Variants in ADAM18 observed in about 807,000 individuals in gnomAD.
The protein encoded by ADAM18 is ADAM metallopeptidase domain 18.
In ADAM18, 117 loss-of-function variants were observed where a neutral mutation model predicts 94.4. The ratio of observed to expected loss-of-function variants is 1.24; its 90% CI spans 1.07 to 1.45. The LOEUF is 1.45. ADAM18 is among the 40% of genes most tolerant of loss of function. The probability of loss-of-function intolerance (pLI) is 0.00; values close to 1 mark genes in which losing one functional copy is unlikely to be tolerated. For missense variants in ADAM18, 936 were observed against 880.0 expected, an observed-to-expected ratio of 1.06 and a Z score of -0.81; for synonymous variants, 327 against 291.6, an observed-to-expected ratio of 1.12 and a Z score of -1.24.
chr8:39,700,217 C>A (rs1822025301), intron 17 of ADAM18, among the ~76,000 whole-genome samples: 1 of 152,068 alleles, frequency 6.6e-6, no homozygotes, highest in East Asian at 1.9e-4. Flanking sequence ...GAAATTTTAA[C>A]ATCAAATTTA....
chr8:39,588,263 T>G (rs1481956570), intron 2 of ADAM18, among the ~76,000 whole-genome samples: 1 of 151,500 alleles, frequency 6.6e-6, no homozygotes, highest in Non-Finnish European at 1.5e-5. Flanking sequence ...CCCATTATAA[T>G]AGCTGTGAGG....
intron 6 of ADAM18, among the ~76,000 whole-genome samples, chr8:39,624,237 G>C (rs1457293553): frequency 1.3e-5 from 2 of 152,192 alleles, no homozygotes; most frequent in African/African-American, 4.8e-5. Context: ...GCAATGTCCA[G>C]AAGAGTTTTT....
intron 2 of ADAM18, among the ~76,000 whole-genome samples, chr8:39,594,068 C>A (rs943468555): frequency 2.6e-5 from 4 of 151,894 alleles, no homozygotes; most frequent in Non-Finnish European, 5.9e-5. Flanking sequence ...CTTTTTCATG[C>A]TTATGTATAA....
intron 2 of ADAM18, among the ~76,000 whole-genome samples, chr8:39,602,154 C>T (rs924153648): frequency 2.0e-5 from 3 of 152,226 alleles, no homozygotes; most frequent in African/African-American, 7.2e-5. Context: ...CTTCAAGATA[C>T]TGCTTTGAAT....
Position 39,622,710 on chromosome 8 carries a change from T to G in ADAM18, c.523-6664T>G, listed in dbSNP as rs1306451412. On this transcript the variant is annotated intron_variant, in intron 6 of 19. Transcript: ENST00000265707. ...GTCTTATTTAATGCTATTTACATCA[T>G]GCTTGTCATATTTTACAGATACGTA... Among the ~76,000 whole-genome samples, 3 of 152,262 alleles carry G rather than the reference T, an allele frequency of 2.0e-5. No homozygotes were observed. In the East Asian group the frequency reaches 5.8e-4, roughly 29 times the overall value.
In ADAM18 at chr8:39,664,665, T is replaced by C. The variant is rs576758783; in HGVS notation, c.1326+775T>C. Among the ~76,000 whole-genome samples, 16 of 152,246 alleles carry C rather than the reference T, an allele frequency of 1.1e-4. No individual in the cohort carries two copies. The South Asian group carries it at 3.1e-3, about 30-fold the overall frequency. On this transcript the variant is annotated intron_variant, in intron 13 of 19. Transcript: ENST00000265707. ...AATAGCAGACAAAATATGCAGCATA[T>C]AGAATGTGTAAAGAACTCTCATTGA... is the stretch of plus-strand genomic sequence containing the variant.
chr8:39,645,593 C>T, intron 11 of ADAM18, 119 bp downstream of exon 11: 5 of 972,940 alleles, frequency 5.1e-6, no homozygotes, highest in Non-Finnish European at 6.0e-6. Context: ...TTACATCATG[C>T]TTGTAAAGTT....
chr8:39,667,340 TGAA>T (rs1024587442), intron 13 of ADAM18, among the ~76,000 whole-genome samples: 2 of 146,306 alleles, frequency 1.4e-5, no homozygotes, highest in Admixed American at 7.1e-5. Flanking sequence ...GGATGGCAGT[TGAA>T]GTGAACTGAG....
intron 6 of ADAM18, among the ~76,000 whole-genome samples, chr8:39,620,346 T>C (rs1249979412): frequency 1.2e-5 from 1 of 84,378 alleles, no homozygotes; most frequent in African/African-American, 4.7e-5. Flanking sequence ...CAAAAGCACA[T>C]GCAACAAAAG....
chr8:39,714,118 G>T (rs1456183245), intron 18 of ADAM18, among the ~76,000 whole-genome samples: 1 of 152,066 alleles, frequency 6.6e-6, no homozygotes, highest in African/African-American at 2.4e-5. Flanking sequence ...CCATAAAAAA[G>T]GATGAGTTCA....
chr8:39,646,708 T>C (rs1820387900), intron 11 of ADAM18, among the ~76,000 whole-genome samples: 1 of 152,144 alleles, frequency 6.6e-6, no homozygotes, highest in South Asian at 2.1e-4. Context: ...TGTGCATCTA[T>C]TAGACATTTC....
intron 6 of ADAM18, among the ~76,000 whole-genome samples, chr8:39,618,134 A>C (rs1819499864): frequency 6.6e-6 from 1 of 152,196 alleles, no homozygotes; most frequent in South Asian, 2.1e-4. Flanking sequence ...ACCAAAATAA[A>C]TTAGTATTGT....
Position 39,723,783 on chromosome 8 carries a change from T to C in ADAM18, c.2053T>C (p.Trp685Arg). The C allele has an allele frequency of 6.3e-7, 1 of 1,580,748 alleles. No individual in the cohort carries two copies. The highest frequency in any genetic ancestry group is 2.3e-5 in the East Asian group (1 of 43,006). ...TACTGAAAAAGGCTACAATACACAC[T>C]GGAACAACTGGTTTATTCTGAGTTT... ...FYTEKGYNTH[W>R]NNWFILSFCI... Residue 685 changes from tryptophan (W) to arginine (R), a missense_variant, in exon 19 of 20, where the codon TGG (tryptophan) becomes CGG (arginine). Physicochemically the swap from Trp to Arg is moderately radical, Grantham distance 101 (BLOSUM62 -3). Coordinates refer to ENST00000265707, the MANE Select transcript of ADAM18 (RefSeq NM_014237.3).
At chr8:39,698,647 T>C (rs1821987535) in intron 17 of ADAM18, among the ~76,000 whole-genome samples, 1 of 151,984 alleles carries the variant, frequency 6.6e-6, no homozygotes, top group Non-Finnish European at 1.5e-5. Flanking sequence ...CTTACAAACC[T>C]CCTTAAATAA....
chr8:39,606,990 A>T lies in ADAM18; in HGVS notation c.188+628A>T, dbSNP rs146445036. Among the ~76,000 whole-genome samples the T allele has an allele frequency of 2.8e-3, 426 of 152,248 alleles. 5 individuals carry two copies. Among genetic ancestry groups the T allele is most frequent in the African/African-American group, 9.9e-3 (410 of 41,538 alleles). ...ATTTTCACTTCTTTTGTGATTCTTCATTTGCTTCAGGCCATCTGGATGTAT... is the reference window on the plus strand; with the variant it reads ...ATTTTCACTTCTTTTGTGATTCTTCTTTTGCTTCAGGCCATCTGGATGTAT... On this transcript the variant is annotated intron_variant, in intron 3 of 19. Transcript: ENST00000265707.
chr8:39,633,382 A>G (rs189726000), intron 7 of ADAM18, among the ~76,000 whole-genome samples: 2 of 152,324 alleles, frequency 1.3e-5, no homozygotes, highest in African/African-American at 4.8e-5. Context: ...GGTGATTCTG[A>G]TGAGAGCTCA....
intron 12 of ADAM18, among the ~76,000 whole-genome samples, chr8:39,654,835 G>A (rs1037420490): frequency 1.1e-4 from 16 of 152,086 alleles, no homozygotes; most frequent in African/African-American, 3.4e-4. Flanking sequence ...TCATTTGAAT[G>A]TCTTATTTTG....
intron 19 of ADAM18, 147 bp from the exon 20 acceptor site, chr8:39,729,749 AAT>A: frequency 1.6e-6 from 1 of 614,746 alleles, no homozygotes; most frequent in Non-Finnish European, 2.8e-6. Context: ...TAACATCTAT[AAT>A]ATAGATAACC....
chr8:39,648,402 GT>G lies in ADAM18; in HGVS notation c.1108del (p.Ser370GlnfsTer56). 1 of 1,612,864 alleles carries G rather than the reference GT, an allele frequency of 6.2e-7. No homozygotes were observed. The highest frequency in any genetic ancestry group is 2.2e-5 in the East Asian group (1 of 44,786). On this transcript the variant is annotated frameshift_variant, in exon 12 of 20. Coordinates refer to ENST00000265707, the MANE Select transcript of ADAM18 (RefSeq NM_014237.3). LOFTEE classifies it high-confidence loss of function. The stretch of plus-strand genomic sequence containing the variant: ...CAGCATGCACGACTATAGATATTTT[GT>G]TTCAAAATTTGAGACTAAATGCCTT... Reference protein sequence around the residue: ...NCSMHDYRYFVSKFETKCLQK... With the variant: ...NCSMHDYRYFXSKFETKCLQK...
Sources: gnomAD v4.1 joint callset for allele counts (sites outside exome capture counted in the v4.1 genomes callset) on GRCh38, gnomAD v4.1.1 for gene constraint, MANE v1.5 for transcripts, NCBI Gene and HGNC (gene_info 2026-07-23, HGNC 2026-07-21) for gene names.